The following PLEKHA7 variants were observed in gnomAD, a reference collection of about 807,000 sequenced individuals.
PLEKHA7 encodes pleckstrin homology domain containing A7, also known as pleckstrin homology domain-containing family A member 7.
A neutral mutation model predicts 170.0 loss-of-function variants in PLEKHA7; 104 were observed. That is an observed-to-expected ratio of 0.61 (90% confidence interval 0.52 to 0.72). PLEKHA7 has a LOEUF of 0.72. Among genes scored for constraint, PLEKHA7 ranks in the 30% least tolerant of loss-of-function variants. PLEKHA7 has a pLI of 0.00. For missense variants in PLEKHA7, 1,615 were observed against 1,671.7 expected, an observed-to-expected ratio of 0.97 and a Z score of 0.59; for synonymous variants, 648 against 660.8, an observed-to-expected ratio of 0.98 and a Z score of 0.30.
At chr11:16,904,043 T>C (rs544177138) in intron 3 of PLEKHA7, among the ~76,000 whole-genome samples, 2 of 152,346 alleles carry the variant, frequency 1.3e-5, no homozygotes, top group East Asian at 1.9e-4. Context: ...ACAGCCAAAA[T>C]TGTAGAACCC....
At chr11:16,847,090 C>CTTTT (rs59132787) in intron 8 of PLEKHA7, among the ~76,000 whole-genome samples, 143 of 70,826 alleles carry the variant, frequency 2.0e-3, no homozygotes, top group Non-Finnish European at 2.2e-3. Flanking sequence ...TTTTTTTTTT[C>CTTTT]TTTTTTTTTT....
In PLEKHA7 at chr11:16,790,904, C is replaced by T. The variant is rs377320164; in HGVS notation, c.2946G>A (p.Arg982=). 1.9e-6 allele frequency: 3 copies of T among 1,613,302 alleles called. No homozygotes were observed. The highest frequency in any genetic ancestry group is 2.5e-6 in the Non-Finnish European group (3 of 1,179,786). Residue 982 remains arginine (R), a synonymous_variant, in exon 21 of 27, where the codon CGG becomes CGA. Coordinates refer to ENST00000531066, the MANE Select transcript of PLEKHA7 (RefSeq NM_001329630.2). The part of the protein sequence containing the change: ...CVNGDSRVEL[R]SYVSEPELAT... ...CCAGCTCAGGCTCACTGACATACGA[C>T]CGCAGCTCCACCTGTGGGCAGAGTC...
intron 8 of PLEKHA7, among the ~76,000 whole-genome samples, chr11:16,845,957 C>T (rs1236422414): frequency 6.6e-6 from 1 of 152,114 alleles, no homozygotes; most frequent in Non-Finnish European, 1.5e-5. Flanking sequence ...CTCAAGTTTA[C>T]AACTTGCAGA....
At chr11:16,868,580 A>C (rs568702940) in intron 4 of PLEKHA7, among the ~76,000 whole-genome samples, 1 of 152,316 alleles carries the variant, frequency 6.6e-6, no homozygotes, top group African/African-American at 2.4e-5. Context: ...ACACAATGTA[A>C]GTACTCACTA....
intron 4 of PLEKHA7, among the ~76,000 whole-genome samples, chr11:16,866,046 G>A (rs1257081851): frequency 6.6e-6 from 1 of 151,494 alleles, no homozygotes; most frequent in Admixed American, 6.6e-5. Flanking sequence ...ATTGTGTTAG[G>A]CAGGGTGGTC....
intron 3 of PLEKHA7, among the ~76,000 whole-genome samples, chr11:17,003,234 G>C (rs899861075): frequency 6.6e-6 from 1 of 152,028 alleles, no homozygotes; most frequent in African/African-American, 2.4e-5. Context: ...CAGGTGATCC[G>C]CCCACTTTGG....
At chr11:16,823,914 G>A (rs1316217772) in intron 10 of PLEKHA7, among the ~76,000 whole-genome samples, 1 of 152,206 alleles carries the variant, frequency 6.6e-6, no homozygotes, top group African/African-American at 2.4e-5. Context: ...CAGTGGAGTA[G>A]TGTTCAGCCT....
chr11:16,857,140 G>A (rs1394338898), intron 4 of PLEKHA7, among the ~76,000 whole-genome samples: 1 of 152,222 alleles, frequency 6.6e-6, no homozygotes, highest in Non-Finnish European at 1.5e-5. Context: ...CAAAAGATAA[G>A]TGATCCTTTC....
At chr11:16,951,363 T>C (rs1861395132) in intron 3 of PLEKHA7, among the ~76,000 whole-genome samples, 1 of 152,180 alleles carries the variant, frequency 6.6e-6, no homozygotes, top group Admixed American at 6.5e-5. Context: ...ACGATGATGA[T>C]GATGATGATG....
At chr11:16,968,185 G>A (rs952852920) in intron 3 of PLEKHA7, among the ~76,000 whole-genome samples, 2 of 152,188 alleles carry the variant, frequency 1.3e-5, no homozygotes, top group Non-Finnish European at 2.9e-5. Context: ...TTTGGCAAAC[G>A]TACCTTGAAG....
chr11:16,946,446 G>C (rs118096457), intron 3 of PLEKHA7, among the ~76,000 whole-genome samples: 3 of 152,106 alleles, frequency 2.0e-5, no homozygotes, highest in African/African-American at 4.8e-5. Flanking sequence ...GTGGAGGGGA[G>C]GGGGGGACTT....
At chr11:16,970,676 CA>C (rs1424052834) in intron 3 of PLEKHA7, among the ~76,000 whole-genome samples, 2 of 146,464 alleles carry the variant, frequency 1.4e-5, no homozygotes, top group African/African-American at 5.3e-5. Flanking sequence ...CAAAAAAAAA[CA>C]AAAACAAAAA....
chr11:16,841,276 C>T (rs768012193), intron 9 of PLEKHA7, among the ~76,000 whole-genome samples: 7 of 152,190 alleles, frequency 4.6e-5, no homozygotes, highest in Non-Finnish European at 8.8e-5. Context: ...TGTCCTCTCC[C>T]TACCTGGTAC....
intron 8 of PLEKHA7, among the ~76,000 whole-genome samples, chr11:16,850,294 C>G (rs1311501931): frequency 6.6e-6 from 1 of 152,342 alleles, no homozygotes; most frequent in East Asian, 1.9e-4. Flanking sequence ...AGCCCCTACT[C>G]CAGCTTGACG....
At chr11:16,834,982 G>A (rs1010485172) in intron 9 of PLEKHA7, among the ~76,000 whole-genome samples, 2 of 152,110 alleles carry the variant, frequency 1.3e-5, no homozygotes, top group Admixed American at 1.3e-4. Context: ...AAAAGTCAGA[G>A]GTACAGGCTA....
At chr11:16,870,404 G>A (rs1244031835) in intron 4 of PLEKHA7, among the ~76,000 whole-genome samples, 2 of 152,116 alleles carry the variant, frequency 1.3e-5, no homozygotes, top group Non-Finnish European at 2.9e-5. Flanking sequence ...TGAGGCAGGA[G>A]GATTGCTTCA....
chr11:16,986,718 C>T (rs567607101), intron 3 of PLEKHA7, among the ~76,000 whole-genome samples: 1 of 152,266 alleles, frequency 6.6e-6, no homozygotes, highest in African/African-American at 2.4e-5. Context: ...GTGACTTCAC[C>T]GCTGGGGCTC....
intron 3 of PLEKHA7, among the ~76,000 whole-genome samples, chr11:16,902,261 G>C (rs1291466258): frequency 2.0e-5 from 3 of 152,136 alleles, no homozygotes; most frequent in African/African-American, 7.2e-5. Flanking sequence ...ACGGACTTTG[G>C]GTTTTCACTT....
chr11:16,817,246 G>A lies in PLEKHA7; in HGVS notation c.1420C>T (p.Pro474Ser). 6.2e-7 allele frequency: 1 copy of A among 1,613,908 alleles called. No homozygotes were observed. The highest frequency in any genetic ancestry group is 8.5e-7 in the Non-Finnish European group (1 of 1,180,020). Residue 474 changes from proline (P) to serine (S), a missense_variant, in exon 11 of 27, where the codon CCC becomes TCC. Transcript: ENST00000531066. The surrounding 1 kb of genome is among the most constrained non-coding windows in gnomAD (Gnocchi z 4.4). ...CCCGAGGGGTGTCGGGTGCTCTTGG[G>A]AAGAGTCTGGTAGTTTTCTGGGAAG... ...LSFPENYQTL[P>S]KSTRHPSGGS...
Sources: allele counts gnomAD v4.1 joint callset (sites outside exome capture counted in the v4.1 genomes callset), GRCh38; gene constraint gnomAD v4.1.1; non-coding constraint Gnocchi (gnomAD v3.1); transcripts MANE v1.5; gene names NCBI Gene and HGNC (gene_info 2026-07-23, HGNC 2026-07-21).